The following SLCO1C1 variants were observed in gnomAD, a reference collection of about 807,000 sequenced individuals.
The protein encoded by SLCO1C1 is solute carrier organic anion transporter family member 1C1, also known as OAT-RP-5.
SLCO1C1 carries 70 observed loss-of-function variants against 76.4 expected under a neutral mutation model. The ratio of observed to expected loss-of-function variants is 0.92; its 90% CI spans 0.76 to 1.12. The LOEUF is 1.12. Among genes scored for constraint, SLCO1C1 ranks in the 50% most tolerant of loss-of-function variants. The pLI is 0.00. For missense variants in SLCO1C1, 912 were observed against 823.8 expected, an observed-to-expected ratio of 1.11 and a Z score of -1.31; for synonymous variants, 306 against 286.1, an observed-to-expected ratio of 1.07 and a Z score of -0.70.
In SLCO1C1 at chr12:20,723,113, CT is replaced by C; in HGVS notation, c.1050del (p.Phe350LeufsTer24). 6.2e-7 allele frequency: 1 copy of C among 1,602,850 alleles called. No homozygotes were observed. Among genetic ancestry groups the C allele is most frequent in the South Asian group, 1.1e-5 (1 of 88,492 alleles). On this transcript the variant is annotated frameshift_variant, in exon 9 of 15. Coordinates refer to ENST00000266509, the MANE Select transcript of SLCO1C1 (RefSeq NM_017435.5). LOFTEE classifies it high-confidence loss of function. ...ARDFLPSLKN[L>X]FGNPVYFLYL... ...AGATTTTCTTCCATCACTGAAGAAT[CT>C]TTTTGGAAACCCAGTATACTTCCTA... is the stretch of plus-strand genomic sequence containing the variant.
At chr12:20,748,607 T>C (rs1300712976) in intron 13 of SLCO1C1, among the ~76,000 whole-genome samples, 1 of 152,228 alleles carries the variant, frequency 6.6e-6, no homozygotes, top group Non-Finnish European at 1.5e-5. Context: ...ATTTTTTCTT[T>C]TGATCCAAGG....
In SLCO1C1 at chr12:20,715,208, G is replaced by A. The variant is rs1317643371; in HGVS notation, c.599G>A (p.Gly200Glu). The change falls in exon 6 of 15, where the codon GGA (glycine) becomes GAA (glutamate). Residue 200 changes from glycine to glutamate, a missense_variant. Transcript: ENST00000266509. Reference sequence around the variant, plus strand: ...CTGGGCAATCTTCTTCGTGGAATAGGAGAAACTCCCATTCAGCCTTTGGGC... The same window carrying A: ...CTGGGCAATCTTCTTCGTGGAATAGAAGAAACTCCCATTCAGCCTTTGGGC... The part of the protein sequence containing the change: ...VFLGNLLRGI[G>E]ETPIQPLGIA... 1 of 1,613,954 alleles carries A rather than the reference G, an allele frequency of 6.2e-7. No individual in the cohort carries two copies. The highest frequency in any genetic ancestry group is 1.3e-5 in the African/African-American group (1 of 74,928).
chr12:20,737,162 T>C lies in SLCO1C1; in HGVS notation c.1438T>C (p.Cys480Arg). 6.4e-7 allele frequency: 1 copy of C among 1,562,786 alleles called. No homozygotes were observed. Among genetic ancestry groups the C allele is most frequent in the Non-Finnish European group, 8.6e-7 (1 of 1,161,294 alleles). Reference protein sequence around the residue: ...RALFSDCNSRCKCSETKWEPM... With the variant: ...RALFSDCNSRRKCSETKWEPM... ...TCTCTTTTCAGATTGCAACTCAAGA[T>C]GCAAATGTTCAGAGACAAAATGGGA... The change falls in exon 11 of 15, where the codon TGC (cysteine) becomes CGC (arginine). Residue 480 changes from cysteine (C) to arginine (R), a missense_variant. By Grantham distance (180) the Cys-to-Arg change is radical. Transcript: ENST00000266509.
intron 10 of SLCO1C1, among the ~76,000 whole-genome samples, chr12:20,735,121 A>C (rs1361330389): frequency 6.6e-6 from 1 of 152,116 alleles, no homozygotes; most frequent in Admixed American, 6.5e-5. Flanking sequence ...TTTCAATACT[A>C]TAAAGTATTT....
chr12:20,710,200 CTTTTTTT>C (rs914645913), intron 4 of SLCO1C1, among the ~76,000 whole-genome samples: 49 of 75,482 alleles, frequency 6.5e-4, no homozygotes, highest in East Asian at 6.6e-4. Flanking sequence ...CTCTACTTTT[CTTTTTTT>C]TTTTTTTTTT....
chr12:20,706,062 C>T lies in SLCO1C1; in HGVS notation c.385C>T (p.Pro129Ser). Reference protein sequence around the residue: ...MGVGTLLIAMPQFFMEQYKYE... With the variant: ...MGVGTLLIAMSQFFMEQYKYE... ...AGTTGGAACACTGCTCATTGCAATG[C>T]CTCAGTTCTTCATGGAGCAGTAAGT... Residue 129 changes from proline (P) to serine (S), a missense_variant, in exon 4 of 15, where the codon CCT (proline) becomes TCT (serine). Transcript: ENST00000266509. 1.2e-6 allele frequency: 2 copies of T among 1,612,438 alleles called. No homozygotes were observed. The highest frequency in any genetic ancestry group is 1.7e-6 in the Non-Finnish European group (2 of 1,179,030).
In SLCO1C1 at chr12:20,710,173, A is replaced by G. The variant is rs534687792; in HGVS notation, c.405-1213A>G. 4.0e-4 allele frequency among the ~76,000 whole-genome samples: 58 copies of G among 145,504 alleles called. 1 individual carries two copies. Among genetic ancestry groups the G allele is most frequent in the Admixed American group, 3.9e-3 (57 of 14,600 alleles). The stretch of plus-strand genomic sequence containing the variant: ...TAATGCAATACATCTTTTCCTTACC[A>G]TGCTGAATAAACAGTTCTCTACTTT... On this transcript the variant is annotated intron_variant, in intron 4 of 14. Transcript: ENST00000266509.
Position 20,699,615 on chromosome 12 carries a change from C to A in SLCO1C1, c.39C>A (p.Cys13Ter), listed in dbSNP as rs532692732. Residue 13 changes from cysteine to a stop codon, truncating the protein, a stop_gained, in exon 2 of 15, where the codon TGC becomes TGA. Transcript: ENST00000266509. LOFTEE classifies it high-confidence loss of function. Reference sequence around the variant, plus strand: ...CCAAAGAAAATATCCAGTTGTTCTGCAAAACTTCAGTGCAACCTGTTGGAA... The same window carrying A: ...CCAAAGAAAATATCCAGTTGTTCTGAAAAACTTCAGTGCAACCTGTTGGAA... The part of the protein sequence containing the change: ...TSSKENIQLF[C>*]KTSVQPVGRP... The A allele has an allele frequency of 6.8e-6, 11 of 1,612,164 alleles. No individual in the cohort carries two copies. The highest frequency in any genetic ancestry group is 1.3e-5 in the African/African-American group (1 of 74,858).
chr12:20,736,380 T>C (rs922450071), intron 10 of SLCO1C1, among the ~76,000 whole-genome samples: 2 of 151,996 alleles, frequency 1.3e-5, no homozygotes, highest in African/African-American at 2.4e-5. Context: ...TGTAACCATC[T>C]CCTATTCTCC....
intron 5 of SLCO1C1, among the ~76,000 whole-genome samples, chr12:20,711,717 G>GA (rs59399808): frequency 6.6e-6 from 1 of 152,052 alleles, no homozygotes; most frequent in Non-Finnish European, 1.5e-5. Context: ...AAATCTTATG[G>GA]AAAAAAAGCA....
rs7306994 is a variant in SLCO1C1 at position 20,744,058 on chromosome 12, A to T, written c.1798+689A>T. Among the ~76,000 whole-genome samples, 1,417 of 152,212 alleles carry T rather than the reference A, an allele frequency of 9.3e-3. 17 individuals carry two copies. Among genetic ancestry groups the T allele is most frequent in the African/African-American group, 0.031 (1,299 of 41,568 alleles). On this transcript the variant is annotated intron_variant, in intron 13 of 14. Transcript: ENST00000266509. The stretch of plus-strand genomic sequence containing the variant: ...GAAAAACAAACTCAAAGCTTAAAAA[A>T]TTTGAAATCAAATTTGGTTTACATA...
At chr12:20,744,863 G>A (rs112991011) in intron 13 of SLCO1C1, among the ~76,000 whole-genome samples, 4 of 152,182 alleles carry the variant, frequency 2.6e-5, no homozygotes, top group African/African-American at 9.6e-5. Flanking sequence ...CAAAAAACTG[G>A]AAGTGATCTA....
chr12:20,707,008 C>T (rs546281603), intron 4 of SLCO1C1, among the ~76,000 whole-genome samples: 1 of 151,630 alleles, frequency 6.6e-6, no homozygotes. Flanking sequence ...CTAGTCTGAA[C>T]TTTTTCTTGA....
intron 3 of SLCO1C1, 86 bp from the exon 4 acceptor site, chr12:20,705,863 T>C: frequency 7.6e-6 from 10 of 1,312,176 alleles, no homozygotes; most frequent in Non-Finnish European, 9.5e-6. Flanking sequence ...AAACATTGCT[T>C]GGTCTGCTGT....
At chr12:20,727,171 T>G (rs1468858275) in intron 9 of SLCO1C1, among the ~76,000 whole-genome samples, 1 of 152,330 alleles carries the variant, frequency 6.6e-6, no homozygotes, top group Non-Finnish European at 1.5e-5. Context: ...TATGGGTGCA[T>G]GTGTCCTTTT....
At chr12:20,732,053 T>A (rs1948299481) in intron 9 of SLCO1C1, among the ~76,000 whole-genome samples, 1 of 152,226 alleles carries the variant, frequency 6.6e-6, no homozygotes, top group African/African-American at 2.4e-5. Context: ...AAGCTGGGTC[T>A]CCAGAGTCTA....
Position 20,723,081 on chromosome 12 carries a change from G to C in SLCO1C1, c.1022-9G>C. ...ACTTTAATTAGTCTATGTTATTTTT[G>C]TTTTACAGATTTTCTTCCATCACTG... On this transcript the variant is annotated splice_polypyrimidine_tract_variant and intron_variant, in intron 8 of 14. Coordinates refer to ENST00000266509, the MANE Select transcript of SLCO1C1 (RefSeq NM_017435.5). 1 of 1,601,320 alleles carries C rather than the reference G, an allele frequency of 6.2e-7. No homozygotes were observed. The highest frequency in any genetic ancestry group is 8.5e-7 in the Non-Finnish European group (1 of 1,175,042).
chr12:20,734,982 G>A (rs1366609815), intron 10 of SLCO1C1, among the ~76,000 whole-genome samples: 1 of 152,028 alleles, frequency 6.6e-6, no homozygotes, highest in East Asian at 1.9e-4. Flanking sequence ...TCTCATTTGG[G>A]CATAAACATT....
At chr12:20,719,630 A>C (rs1334594257) in intron 7 of SLCO1C1, among the ~76,000 whole-genome samples, 3 of 152,200 alleles carry the variant, frequency 2.0e-5, no homozygotes, top group Admixed American at 2.0e-4. Flanking sequence ...TAAACCAGCC[A>C]CAACATTTCC....
Sources: gnomAD v4.1 joint callset for allele counts (sites outside exome capture counted in the v4.1 genomes callset) on GRCh38, gnomAD v4.1.1 for gene constraint, MANE v1.5 for transcripts, NCBI Gene and HGNC (gene_info 2026-07-23, HGNC 2026-07-21) for gene names.